Variants in PTGFRN observed in about 807,000 individuals in gnomAD.
PTGFRN encodes prostaglandin F2 receptor negative regulator.
In PTGFRN, 35 loss-of-function variants were observed where a neutral mutation model predicts 83.2. The observed-to-expected ratio is 0.42, with a 90% CI of 0.32 to 0.56. The LOEUF is 0.56. Ranked by LOEUF, PTGFRN falls within the 20% of genes least tolerant of loss-of-function variation. The pLI, the probability that PTGFRN is intolerant of heterozygous loss-of-function variation, is 0.11. For missense variants in PTGFRN, 1,051 were observed against 1,179.5 expected (o/e 0.89, Z 1.60); for synonymous variants, 519 against 498.6 (o/e 1.04, Z -0.55).
intron 6 of PTGFRN, among the ~76,000 whole-genome samples, chr1:116,973,604 C>CAA (rs547665093): frequency 1.9e-5 from 2 of 107,126 alleles, no homozygotes; most frequent in Non-Finnish European, 3.9e-5. Flanking sequence ...GACTCAATCT[C>CAA]AAAAAAAAAA....
rs567042535 is a variant in PTGFRN at position 116,973,135 on chromosome 1, C to T, written c.2060-1081C>T. On this transcript the variant is annotated intron_variant, in intron 6 of 8. Transcript: ENST00000393203. The stretch of plus-strand genomic sequence containing the variant: ...ATTTTGCCATGTTCCCCAGGTTAGT[C>T]TTGAACACCTGGGCTCAAGTGACCT... 2.1e-3 allele frequency among the ~76,000 whole-genome samples: 317 copies of T among 152,206 alleles called. 1 individual carries two copies. The highest frequency in any genetic ancestry group is 3.2e-3 in the Non-Finnish European group (216 of 68,016).
intron 7 of PTGFRN, among the ~76,000 whole-genome samples, chr1:116,979,059 A>C (rs1304524682): frequency 6.6e-6 from 1 of 152,194 alleles, no homozygotes; most frequent in African/African-American, 2.4e-5. Context: ...AATCACAAGC[A>C]TTCTTACACA....
In PTGFRN at chr1:116,910,006, A is replaced by G; in HGVS notation, c.-198A>G. ...GGCCGGCTGGAGGAGGGAGGGAAGG[A>G]GGCGGGAGGGAGCGAGCGGAGCCAG... On this transcript the variant is annotated 5_prime_UTR_variant, in exon 1 of 9. Transcript: ENST00000393203. 3.1e-6 allele frequency: 2 copies of G among 641,174 alleles called. No homozygotes were observed. Among genetic ancestry groups the G allele is most frequent in the Admixed American group, 2.3e-5 (1 of 42,678 alleles). 39.7% of individuals were successfully genotyped at this position (641,174 alleles called of 1,614,324 possible).
chr1:116,949,074 G>T, intron 3 of PTGFRN, 118 bp from the exon 4 acceptor site: 1 of 1,268,580 alleles, frequency 7.9e-7, no homozygotes, highest in East Asian at 2.4e-5. Context: ...ACTGTACAAA[G>T]CCTTCTAACT....
At chr1:116,930,458 C>T (rs1242563358) in intron 1 of PTGFRN, among the ~76,000 whole-genome samples, 1 of 152,210 alleles carries the variant, frequency 6.6e-6, no homozygotes, top group Non-Finnish European at 1.5e-5. Context: ...CCCCCACTCC[C>T]TCCGTGCATG....
At chr1:116,919,496 G>C (rs2250883) in intron 1 of PTGFRN, among the ~76,000 whole-genome samples, 25,531 of 152,032 alleles carry the variant, frequency 0.17, 4,438 homozygotes, top group African/African-American at 0.44. Context: ...CTCCCTGGCT[G>C]AAGTGATCCT....
chr1:116,979,422 A>G (rs1651247176), intron 7 of PTGFRN, among the ~76,000 whole-genome samples: 1 of 152,230 alleles, frequency 6.6e-6, no homozygotes, highest in African/African-American at 2.4e-5. Context: ...AGTCAATCCT[A>G]AGCCAAAAGA....
At chr1:116,926,539 T>C (rs1369437447) in intron 1 of PTGFRN, among the ~76,000 whole-genome samples, 4 of 152,228 alleles carry the variant, frequency 2.6e-5, no homozygotes, top group Non-Finnish European at 4.4e-5. Context: ...TCAGTACAGA[T>C]TGCCTCTAAG....
chr1:116,971,997 A>G (rs1214854928), intron 6 of PTGFRN, among the ~76,000 whole-genome samples: 3 of 151,868 alleles, frequency 2.0e-5, no homozygotes, highest in African/African-American at 7.3e-5. Context: ...GAAAAATGTG[A>G]CCCCCCTGCC....
intron 1 of PTGFRN, among the ~76,000 whole-genome samples, chr1:116,916,810 A>G (rs958582217): frequency 5.9e-5 from 9 of 152,126 alleles, no homozygotes; most frequent in Non-Finnish European, 1.0e-4. Flanking sequence ...AGCGCCTACT[A>G]TTACACGCCG....
intron 1 of PTGFRN, among the ~76,000 whole-genome samples, chr1:116,910,655 C>T (rs1649244966): frequency 6.6e-6 from 1 of 151,932 alleles, no homozygotes; most frequent in South Asian, 2.1e-4. Flanking sequence ...GAAATGTGAG[C>T]CTTTGATATG....
rs187589442 is a variant in PTGFRN, at chr1:116,926,336, G to A, written c.50-15379G>A. ...GCAGATGATGTTGGCCAGTTTGAAC[G>A]TGGAGAGGATTGAAAATGGCTGAGC... On this transcript the variant is annotated intron_variant, in intron 1 of 8. Coordinates refer to ENST00000393203, the MANE Select transcript of PTGFRN (RefSeq NM_020440.4). 7.2e-5 allele frequency among the ~76,000 whole-genome samples: 11 copies of A among 152,368 alleles called. No homozygotes were observed. In the South Asian group the frequency reaches 8.3e-4, roughly 11 times the overall value.
In PTGFRN at chr1:116,918,198, C is replaced by T. The variant is rs1184368828; in HGVS notation, c.49+7946C>T. Among the ~76,000 whole-genome samples the T allele has an allele frequency of 6.6e-6, 1 of 152,246 alleles. No individual in the cohort carries two copies. Among genetic ancestry groups the T allele is most frequent in the South Asian group, 2.1e-4 (1 of 4,816 alleles). ...TACCCTTCCAGCCTTACTTCATCTC[C>T]CAATTAAAAGAGGAAAAAATAGGAT... On this transcript the variant is annotated intron_variant, in intron 1 of 8. Transcript: ENST00000393203. This position sits in a 1 kb window ranked among gnomAD's most constrained non-coding sequence, Gnocchi z 4.1.
chr1:116,954,091 C>A (rs2101071449), intron 4 of PTGFRN, among the ~76,000 whole-genome samples: 2 of 152,196 alleles, frequency 1.3e-5, no homozygotes, highest in Admixed American at 1.3e-4. Flanking sequence ...CTCCTGACTT[C>A]AGGTGATCCG....
intron 1 of PTGFRN, among the ~76,000 whole-genome samples, chr1:116,915,142 C>T (rs1474618543): frequency 6.6e-6 from 1 of 152,194 alleles, no homozygotes; most frequent in African/African-American, 2.4e-5. Flanking sequence ...TACTAATGTT[C>T]GCTAAACCTT....
At chr1:116,975,744 A>C (rs558011160) in intron 7 of PTGFRN, among the ~76,000 whole-genome samples, 1 of 152,346 alleles carries the variant, frequency 6.6e-6, no homozygotes, top group East Asian at 1.9e-4. Context: ...ATCAAAGACC[A>C]AAGGTAGATA....
At chr1:116,957,472 A>G (rs747519554) in intron 4 of PTGFRN, among the ~76,000 whole-genome samples, 13 of 152,212 alleles carry the variant, frequency 8.5e-5, no homozygotes, top group Middle Eastern at 3.4e-3. Context: ...AGGTCAGTCA[A>G]GTCACTCCAA....
At chr1:116,951,427 C>G (rs541575501) in intron 4 of PTGFRN, among the ~76,000 whole-genome samples, 9 of 152,338 alleles carry the variant, frequency 5.9e-5, no homozygotes, top group African/African-American at 2.2e-4. Flanking sequence ...CTGACTGATG[C>G]TAACAGATAC....
chr1:116,940,739 G>A (rs4641299), intron 1 of PTGFRN, among the ~76,000 whole-genome samples: 93,406 of 152,094 alleles, frequency 0.61, 29,951 homozygotes, highest in East Asian at 0.82. Flanking sequence ...CTCTCAGATT[G>A]CAACTTAGGT....
Sources: allele counts gnomAD v4.1 joint callset (sites outside exome capture counted in the v4.1 genomes callset), GRCh38; gene constraint gnomAD v4.1.1; non-coding constraint Gnocchi (gnomAD v3.1); transcripts MANE v1.5; gene names NCBI Gene and HGNC (gene_info 2026-07-23, HGNC 2026-07-21).